Variants in MAEL observed in about 807,000 individuals in gnomAD.
MAEL encodes protein maelstrom homolog.
MAEL carries 46 observed loss-of-function variants against 62.0 expected under a neutral mutation model. That is an observed-to-expected ratio of 0.74 (90% confidence interval 0.59 to 0.95). The LOEUF (loss-of-function observed/expected upper bound fraction) is 0.95, where lower values mean the gene tolerates loss of function less well. Among genes scored for constraint, MAEL ranks in the 40% least tolerant of loss-of-function variants. The probability of loss-of-function intolerance (pLI) is 0.00; values close to 1 mark genes in which losing one functional copy is unlikely to be tolerated. For synonymous variants in MAEL, 172 were observed against 175.5 expected (o/e 0.98, Z 0.16); for missense variants, 497 against 526.8 (o/e 0.94, Z 0.55).
At chr1:167,015,888 TATTTC>T (rs1339378607) in intron 8 of MAEL, among the ~76,000 whole-genome samples, 2 of 152,218 alleles carry the variant, frequency 1.3e-5, no homozygotes, top group African/African-American at 4.8e-5. Context: ...TTCAATACTG[TATTTC>T]TAGTGCCTAC....
chr1:166,992,235 T>C (rs1664207765), intron 3 of MAEL, among the ~76,000 whole-genome samples: 1 of 152,178 alleles, frequency 6.6e-6, no homozygotes, highest in Non-Finnish European at 1.5e-5. Context: ...CTTTAGAGGA[T>C]TTATAGGTGG....
At chr1:167,017,730 C>T (rs753689713) in intron 9 of MAEL, 97 bp from the exon 10 acceptor site, 78 of 1,161,148 alleles carry the variant, frequency 6.7e-5, no homozygotes, top group Non-Finnish European at 8.8e-5. Context: ...TATAACAGTA[C>T]CTCAGATGCT....
chr1:167,020,954 G>T, intron 10 of MAEL, 131 bp from the exon 11 acceptor site: 1 of 730,494 alleles, frequency 1.4e-6, no homozygotes, highest in Non-Finnish European at 2.4e-6. Context: ...AGCAAAAATT[G>T]ATAAGACATT....
chr1:167,005,422 A>G, intron 8 of MAEL, 25 bp downstream of exon 8: 2 of 1,574,502 alleles, frequency 1.3e-6, no homozygotes, highest in Non-Finnish European at 1.7e-6. Context: ...TTTGTTTTAG[A>G]GTCATTTTGA....
chr1:166,989,575 G>A (rs1664069193), intron 1 of MAEL, 91 bp downstream of exon 1: 11 of 1,525,222 alleles, frequency 7.2e-6, no homozygotes, highest in Admixed American at 6.0e-5. Context: ...AGGAGGTCAG[G>A]CGGCTTGGCC....
At chr1:166,987,591 T>C (rs773266601), upstream of MAEL, among the ~76,000 whole-genome samples, 5 of 152,208 alleles carry the variant, frequency 3.3e-5, no homozygotes, top group Non-Finnish European at 7.3e-5. Context: ...ACCAATAATG[T>C]ATGAAAGTTC....
rs1665609216 is a variant in MAEL, at chr1:167,021,077, A to G, written c.1042-8A>G. 6.2e-7 allele frequency: 1 copy of G among 1,601,752 alleles called. No individual in the cohort carries two copies. The highest frequency in any genetic ancestry group is 1.3e-5 in the African/African-American group (1 of 74,640). On this transcript the variant is annotated splice_polypyrimidine_tract_variant and splice_region_variant and intron_variant, in intron 10 of 11. Transcript: ENST00000367872. The stretch of plus-strand genomic sequence containing the variant: ...TTTTTCCCCCTGGTATTTTCCTGTT[A>G]CTTACAGAAGCTAAGGGTTGGGAGT...
Position 167,005,260 on chromosome 1 carries a change from C to T in MAEL, c.708C>T (p.Ile236=). Residue 236 remains isoleucine (I), a synonymous_variant, in exon 8 of 12, where the codon ATC becomes ATT. Coordinates refer to ENST00000367872, the MANE Select transcript of MAEL (RefSeq NM_032858.3). The part of the protein sequence containing the change: ...CLKHMAKASE[I]RQDLQLLTVE... ...TTTTCCATTTACTAATGGAAGAAAT[C>T]AGGCAAGATCTACAACTTCTCACTG... 1 of 1,612,012 alleles carries T rather than the reference C, an allele frequency of 6.2e-7. No homozygotes were observed. The highest frequency in any genetic ancestry group is 8.5e-7 in the Non-Finnish European group (1 of 1,179,334).
chr1:167,003,356 G>T (rs983095779), intron 5 of MAEL, among the ~76,000 whole-genome samples: 1 of 152,094 alleles, frequency 6.6e-6, no homozygotes, highest in African/African-American at 2.4e-5. Flanking sequence ...GAGTACCTGT[G>T]GGTATCTTTC....
At chr1:166,997,319 C>G (rs970825909) in intron 5 of MAEL, among the ~76,000 whole-genome samples, 1 of 152,222 alleles carries the variant, frequency 6.6e-6, no homozygotes, top group Non-Finnish European at 1.5e-5. Context: ...GTGGGTTGTA[C>G]AAGCGTGATA....
Position 166,998,550 on chromosome 1 carries a change from TGTCTTA to T in MAEL, c.523+4484_523+4489del, listed in dbSNP as rs537830234. 6.6e-5 allele frequency among the ~76,000 whole-genome samples: 10 copies of T among 152,342 alleles called. No individual in the cohort carries two copies. In the South Asian group the frequency reaches 2.1e-3, roughly 32 times the overall value. ...CATTTAAAATTTTTAAAATTTGCTT[TGTCTTA>T]GTATGCTGACCAGTACCTCTAGTTT... is the stretch of plus-strand genomic sequence containing the variant. On this transcript the variant is annotated intron_variant, in intron 5 of 11. Transcript: ENST00000367872.
intron 10 of MAEL, among the ~76,000 whole-genome samples, chr1:167,019,363 C>A (rs1312184915): frequency 6.6e-6 from 1 of 152,108 alleles, no homozygotes; most frequent in Admixed American, 6.6e-5. Context: ...TGTGCCTTTT[C>A]ATTGTTTATA....
chr1:166,992,827 G>A lies in MAEL; in HGVS notation c.467G>A (p.Ser156Asn), dbSNP rs1435971152. 2 of 1,594,446 alleles carry A rather than the reference G, an allele frequency of 1.3e-6. No homozygotes were observed. Among genetic ancestry groups the A allele is most frequent in the Non-Finnish European group, 8.5e-7 (1 of 1,173,998 alleles). ...LQEGIMADFH[S>N]FINPGEIPRG... ...GAAGGTATTATGGCAGATTTCCACA[G>A]TTTTATAAATCCTGGTAAGTAGTCA... The change falls in exon 4 of 12, where the codon AGT becomes AAT. Residue 156 changes from serine to asparagine, a missense_variant. Coordinates refer to ENST00000367872, the MANE Select transcript of MAEL (RefSeq NM_032858.3).
chr1:166,989,953 G>A (rs115895291), intron 2 of MAEL, 124 bp downstream of exon 2: 7,662 of 730,244 alleles, frequency 0.01, 38 homozygotes, highest in Non-Finnish European at 0.013. Flanking sequence ...GTGCGAAGAC[G>A]ACGTTCTTCT....
chr1:167,013,378 A>G (rs1665250672), intron 8 of MAEL, among the ~76,000 whole-genome samples: 1 of 152,180 alleles, frequency 6.6e-6, no homozygotes, highest in Non-Finnish European at 1.5e-5. Flanking sequence ...AGGCTTTTCA[A>G]AGTCTCAGTA....
chr1:167,004,800 G>C (rs902606580), intron 6 of MAEL, among the ~76,000 whole-genome samples: 1 of 152,050 alleles, frequency 6.6e-6, no homozygotes, highest in African/African-American at 2.4e-5. Flanking sequence ...CTGAACATTG[G>C]TTTCTTCATT....
intron 1 of MAEL, 24 bp from the exon 2 acceptor site, chr1:166,989,713 C>G (rs1403911696): frequency 1.2e-6 from 2 of 1,607,802 alleles, no homozygotes; most frequent in Non-Finnish European, 1.7e-6. Flanking sequence ...TGTTTCTCTT[C>G]TTTGCTCCTT....
intron 1 of MAEL, among the ~76,000 whole-genome samples, chr1:166,976,496 A>T (rs1663585817): frequency 6.6e-6 from 1 of 152,190 alleles, no homozygotes; most frequent in Non-Finnish European, 1.5e-5. Context: ...AGACATAGAG[A>T]AAGTGCCTTG....
rs771959980 is a variant in MAEL at position 166,992,761 on chromosome 1, T to C, written c.401T>C (p.Phe134Ser). 1.9e-6 allele frequency: 3 copies of C among 1,611,166 alleles called. No homozygotes were observed. Among genetic ancestry groups the C allele is most frequent in the Non-Finnish European group, 2.5e-6 (3 of 1,178,690 alleles). ...CTACCTCCTCATTGTGAACAGCGCT[T>C]CCTCCCTTGTGAAATTGGCTGTGTT... ...GELPPHCEQRFLPCEIGCVKY... is the reference protein window; with the variant it reads ...GELPPHCEQRSLPCEIGCVKY... Residue 134 changes from phenylalanine (F) to serine (S), a missense_variant, in exon 4 of 12, where the codon TTC (phenylalanine) becomes TCC (serine). Coordinates refer to ENST00000367872, the MANE Select transcript of MAEL (RefSeq NM_032858.3).
Sources: allele counts gnomAD v4.1 joint callset (sites outside exome capture counted in the v4.1 genomes callset), GRCh38; gene constraint gnomAD v4.1.1; transcripts MANE v1.5; gene names NCBI Gene and HGNC (gene_info 2026-07-23, HGNC 2026-07-21).